Variants in CUL1 observed in about 807,000 individuals in gnomAD.
CUL1 encodes the protein cullin-1.
Under a neutral mutation model 118.0 loss-of-function variants are expected in CUL1, and 24 were observed. The observed-to-expected ratio is 0.20, with a 90% CI of 0.15 to 0.29. CUL1 has a LOEUF of 0.29. Among genes scored for constraint, CUL1 ranks in the 10% least tolerant of loss-of-function variants. The pLI is 1.00. For missense variants in CUL1, 361 were observed against 933.8 expected (o/e 0.39, Z 7.99); for synonymous variants, 332 against 340.4 (o/e 0.98, Z 0.27).
chr7:148,783,316 A>G, intron 9 of CUL1: 3 of 985,132 alleles, frequency 3.0e-6, no homozygotes, highest in Non-Finnish European at 3.6e-6. Flanking sequence ...TCTGGTTTGC[A>G]GTGGGTGGGG....
intron 2 of CUL1, among the ~76,000 whole-genome samples, chr7:148,744,167 C>T (rs1049754047): frequency 3.9e-5 from 6 of 152,118 alleles, no homozygotes; most frequent in Admixed American, 3.9e-4. Context: ...TCCCTCATGT[C>T]AACATATAGA....
intron 3 of CUL1, among the ~76,000 whole-genome samples, chr7:148,754,691 C>T (rs1164785083): frequency 6.6e-6 from 1 of 151,934 alleles, no homozygotes; most frequent in African/African-American, 2.4e-5. Context: ...TCTTGGAAAC[C>T]ATGTTTTTCA....
chr7:148,733,098 G>GA (rs1487538659), intron 2 of CUL1, among the ~76,000 whole-genome samples: 1 of 152,164 alleles, frequency 6.6e-6, no homozygotes, highest in Non-Finnish European at 1.5e-5. Context: ...TGGTGGTGGT[G>GA]AGGCGGGTCT....
intron 1 of CUL1, among the ~76,000 whole-genome samples, chr7:148,705,315 TA>T (rs1797847184): frequency 1.3e-5 from 2 of 152,214 alleles, no homozygotes; most frequent in African/African-American, 4.8e-5. Context: ...TGTTTTAAAT[TA>T]ATCTTTAAAC....
intron 9 of CUL1, among the ~76,000 whole-genome samples, chr7:148,777,308 T>C (rs1236860699): frequency 1.3e-5 from 2 of 152,132 alleles, no homozygotes; most frequent in Non-Finnish European, 1.5e-5. Flanking sequence ...GATTCCAAGA[T>C]AGATATTGAT....
In CUL1 at chr7:148,708,416, C is replaced by T. The variant is rs181696726; in HGVS notation, c.-162+9387C>T. On this transcript the variant is annotated intron_variant, in intron 1 of 21. Transcript: ENST00000325222. ...TCTACCAAATCTTACTAGTTCCTCC[C>T]CCATAACACTATGTGTTTATACCTT... Among the ~76,000 whole-genome samples, 34 of 152,328 alleles carry T rather than the reference C, an allele frequency of 2.2e-4. No individual in the cohort carries two copies. The East Asian group carries it at 4.4e-3, about 20-fold the overall frequency.
chr7:148,798,752 G>T (rs764430022), intron 20 of CUL1, 75 bp downstream of exon 20: 56 of 1,188,188 alleles, frequency 4.7e-5, no homozygotes, highest in Non-Finnish European at 6.4e-5. Flanking sequence ...GGCCGTGGGG[G>T]GTAGGCGGGG....
chr7:148,759,742 A>T (rs1417833973), intron 6 of CUL1, 104 bp downstream of exon 6: 5 of 533,558 alleles, frequency 9.4e-6, no homozygotes, highest in South Asian at 8.5e-5. Flanking sequence ...ATTATAAAGG[A>T]TATTGTTAGC....
At chr7:148,791,893 T>G (rs1287773542) in intron 16 of CUL1, among the ~76,000 whole-genome samples, 1 of 152,208 alleles carries the variant, frequency 6.6e-6, no homozygotes, top group African/African-American at 2.4e-5. Flanking sequence ...ACCTGTCTTT[T>G]AGAAGATACT....
At chr7:148,798,116 C>A in intron 19 of CUL1, 97 bp downstream of exon 19, 1 of 692,418 alleles carries the variant, frequency 1.4e-6, no homozygotes, top group Non-Finnish European at 2.4e-6. Context: ...CAAGGGAGAC[C>A]GGGGACTCAG....
chr7:148,790,194 T>A, intron 15 of CUL1, 116 bp from the exon 16 acceptor site: 1 of 1,139,866 alleles, frequency 8.8e-7, no homozygotes, highest in Non-Finnish European at 1.3e-6. Flanking sequence ...TGTATTTTAC[T>A]TTTATGTAAG....
chr7:148,790,252 C>A, intron 15 of CUL1, 58 bp from the exon 16 acceptor site: 1 of 1,575,388 alleles, frequency 6.3e-7, no homozygotes, highest in East Asian at 2.3e-5. Flanking sequence ...TACTTAGAAA[C>A]GCTGCCTGTA....
chr7:148,703,722 G>A (rs988066205), intron 1 of CUL1, among the ~76,000 whole-genome samples: 24 of 151,856 alleles, frequency 1.6e-4, no homozygotes, highest in African/African-American at 5.8e-4. Flanking sequence ...TAGTAGGGAC[G>A]GGGTTTCACC....
intron 2 of CUL1, among the ~76,000 whole-genome samples, chr7:148,749,013 A>G (rs1343590578): frequency 2.0e-5 from 3 of 152,220 alleles, no homozygotes; most frequent in East Asian, 1.9e-4. Context: ...GGTTTTTCCT[A>G]TACTTTCCAT....
chr7:148,783,640 A>G (rs1332474569), intron 9 of CUL1, 143 bp from the exon 10 acceptor site: 1 of 1,543,408 alleles, frequency 6.5e-7, no homozygotes, highest in South Asian at 1.2e-5. Context: ...TACCAAAAGT[A>G]TTTCTTGCTC....
chr7:148,728,620 G>A (rs563158935), intron 1 of CUL1, among the ~76,000 whole-genome samples: 2 of 152,292 alleles, frequency 1.3e-5, no homozygotes, highest in African/African-American at 4.8e-5. Context: ...GAGTCCTTGT[G>A]TTAAATATTT....
intron 9 of CUL1, among the ~76,000 whole-genome samples, chr7:148,779,053 C>T (rs950595960): frequency 6.6e-6 from 1 of 152,130 alleles, no homozygotes; most frequent in Non-Finnish European, 1.5e-5. Flanking sequence ...GAGATGATGC[C>T]CTCACACCTC....
intron 9 of CUL1, among the ~76,000 whole-genome samples, chr7:148,771,757 G>GT (rs894434599): frequency 4.6e-5 from 7 of 152,182 alleles, no homozygotes; most frequent in Admixed American, 1.3e-4. Flanking sequence ...GAAATGGCTT[G>GT]TTTAATAGGC....
At chr7:148,776,609 G>A (rs779420948) in intron 9 of CUL1, among the ~76,000 whole-genome samples, 10 of 152,102 alleles carry the variant, frequency 6.6e-5, no homozygotes, top group African/African-American at 1.2e-4. Context: ...GATCCACCAC[G>A]TCCGGCCGAG....
Sources: gnomAD v4.1 joint callset for allele counts (sites outside exome capture counted in the v4.1 genomes callset) on GRCh38, gnomAD v4.1.1 for gene constraint, MANE v1.5 for transcripts, NCBI Gene and HGNC (gene_info 2026-07-23, HGNC 2026-07-21) for gene names.